Variants in ECPAS observed in about 807,000 individuals in gnomAD.
ECPAS encodes the protein proteasome adapter and scaffold protein ECM29.
A neutral mutation model predicts 255.1 loss-of-function variants in ECPAS; 70 were observed. That is an observed-to-expected ratio of 0.27 (90% CI 0.23 to 0.33). The LOEUF (loss-of-function observed/expected upper bound fraction) is 0.33, where lower values mean the gene tolerates loss of function less well. Among genes scored for constraint, ECPAS ranks in the 10% least tolerant of loss-of-function variants. ECPAS has a pLI of 1.00. For missense variants in ECPAS, 1,817 were observed against 2,206.4 expected, an observed-to-expected ratio of 0.82 and a Z score of 3.54; for synonymous variants, 784 against 775.0, an observed-to-expected ratio of 1.01 and a Z score of -0.19.
chr9:111,450,192 T>TAACAAC (rs2098258476), intron 3 of ECPAS, among the ~76,000 whole-genome samples: 1 of 152,038 alleles, frequency 6.6e-6, no homozygotes, highest in African/African-American at 2.4e-5. Context: ...ATTTGCTAAA[T>TAACAAC]AACAAAACTG....
rs75335246 is a variant in ECPAS, at chr9:111,412,159, T to C, written c.2080-11A>G. 11 of 1,307,328 alleles carry C rather than the reference T, an allele frequency of 8.4e-6. No individual in the cohort carries two copies. The highest frequency in any genetic ancestry group is 1.0e-5 in the Non-Finnish European group (10 of 970,704). 81.0% of individuals were successfully genotyped at this position (1,307,328 alleles called of 1,614,324 possible). ...GTTATTCATCAGACTCTGAGCAGTA[T>C]AAAAAAAAAACAAATATATACATGA... is the stretch of plus-strand genomic sequence containing the variant. On this transcript the variant is annotated splice_polypyrimidine_tract_variant and intron_variant, in intron 20 of 49. Transcript: ENST00000684092.
chr9:111,477,468 C>T (rs545595585), intron 1 of ECPAS, among the ~76,000 whole-genome samples: 11 of 151,970 alleles, frequency 7.2e-5, no homozygotes, highest in African/African-American at 2.7e-4. Flanking sequence ...CGCCTGGCCC[C>T]GATTGCCACA....
chr9:111,420,176 A>G (rs1407710911), intron 15 of ECPAS, 56 bp from the exon 16 acceptor site: 1 of 1,149,710 alleles, frequency 8.7e-7, no homozygotes, highest in African/African-American at 1.6e-5. Context: ...GAAAAAAAAA[A>G]TCAATTACCA....
At position 111,383,350 on chromosome 9, in the gene ECPAS, T is replaced by C; in HGVS notation, c.3682-18A>G. The C allele has an allele frequency of 6.3e-7, 1 of 1,598,130 alleles. No individual in the cohort carries two copies. The highest frequency in any genetic ancestry group is 1.1e-5 in the South Asian group (1 of 88,994). On this transcript the variant is annotated intron_variant, in intron 34 of 49. Transcript: ENST00000684092. ...ACACAGACCTCACATACAAAGAGCA[T>C]GGACGTTAGTGAAAGTGACCGCGCA...
At chr9:111,483,470 G>A (rs1258120524) in intron 1 of ECPAS, 5 of 973,812 alleles carry the variant, frequency 5.1e-6, no homozygotes, top group Admixed American at 6.4e-5. Flanking sequence ...CGCCCGTTCC[G>A]GCTCGCGGCC....
intron 24 of ECPAS, among the ~76,000 whole-genome samples, chr9:111,404,960 GTAT>G (rs2098181866): frequency 6.7e-6 from 1 of 149,090 alleles, no homozygotes; most frequent in Admixed American, 6.6e-5. Flanking sequence ...GATTGAAATC[GTAT>G]TATTAAAATT....
chr9:111,376,998 C>G (rs2098134073), intron 36 of ECPAS, among the ~76,000 whole-genome samples: 1 of 152,146 alleles, frequency 6.6e-6, no homozygotes, highest in Non-Finnish European at 1.5e-5. Flanking sequence ...TTAACACTAT[C>G]CAGATATGAT....
At chr9:111,442,537 G>A (rs984761958) in intron 4 of ECPAS, 113 bp from the exon 5 acceptor site, 16 of 700,840 alleles carry the variant, frequency 2.3e-5, no homozygotes, top group Middle Eastern at 4.1e-4. Context: ...CATTGTAAAC[G>A]TGACTCATCC....
chr9:111,469,383 A>C (rs576069463), intron 2 of ECPAS, among the ~76,000 whole-genome samples: 1 of 151,182 alleles, frequency 6.6e-6, no homozygotes, highest in African/African-American at 2.4e-5. Flanking sequence ...ACATACAAAA[A>C]ATTAGCTGGG....
chr9:111,362,141 A>G lies in ECPAS; in HGVS notation c.5409T>C (p.Ser1803=), dbSNP rs922654099. ...EESKQWECLT[S]ECRVLLIESL... Reference sequence around the variant, plus strand: ...ACTCAATTAGGAGCACTCTGCATTCAGATGTCAAACATTCCCACTGTTTAG... The same window carrying G: ...ACTCAATTAGGAGCACTCTGCATTCGGATGTCAAACATTCCCACTGTTTAG... Residue 1803 remains serine (S), a synonymous_variant, in exon 50 of 50, where the codon TCT becomes TCC. Coordinates refer to ENST00000684092, the MANE Select transcript of ECPAS (RefSeq NM_001364929.1). 8.7e-6 allele frequency: 14 copies of G among 1,605,620 alleles called. No homozygotes were observed. The highest frequency in any genetic ancestry group is 2.7e-5 in the African/African-American group (2 of 74,528).
chr9:111,376,582 A>G (rs753620734), intron 36 of ECPAS, 41 bp from the exon 37 acceptor site: 1 of 1,462,600 alleles, frequency 6.8e-7, no homozygotes, highest in Admixed American at 1.9e-5. Flanking sequence ...CATTCAATTA[A>G]TTAGGAATAA....
Position 111,397,068 on chromosome 9 carries a change from G to A in ECPAS, c.2738C>T (p.Ala913Val). 1 of 1,613,924 alleles carries A rather than the reference G, an allele frequency of 6.2e-7. No homozygotes were observed. Among genetic ancestry groups the A allele is most frequent in the Non-Finnish European group, 8.5e-7 (1 of 1,179,802 alleles). Residue 913 changes from alanine (A) to valine (V), a missense_variant, in exon 25 of 50, where the codon GCC becomes GTC. This residue lies in a region of ECPAS where 960 missense variants were observed against 1,179.0 expected (regional missense o/e 0.81). Transcript: ENST00000684092. ...IGTSSVAARDAWQMTEEEYTP... is the reference protein window; with the variant it reads ...IGTSSVAARDVWQMTEEEYTP... ...ATATTCCTCTTCAGTCATTTGCCAG[G>A]CATCTCGGGCAGCCACAGAACTAGT...
intron 3 of ECPAS, among the ~76,000 whole-genome samples, chr9:111,445,017 A>G (rs2131923797): frequency 9.8e-6 from 1 of 102,146 alleles, no homozygotes; most frequent in East Asian, 3.0e-4. Flanking sequence ...TTTTTTTGAC[A>G]TGGAGTCTCG....
intron 20 of ECPAS, among the ~76,000 whole-genome samples, chr9:111,413,648 CT>C (rs1233863398): frequency 6.7e-6 from 1 of 149,828 alleles, no homozygotes; most frequent in African/African-American, 2.4e-5. Flanking sequence ...AAAAAAAAAA[CT>C]TTTGAAACAG....
At chr9:111,391,678 A>G in intron 29 of ECPAS, 78 bp downstream of exon 29, 1 of 886,430 alleles carries the variant, frequency 1.1e-6, no homozygotes. Flanking sequence ...CAACTTCATG[A>G]CTGCTCTATT....
intron 7 of ECPAS, among the ~76,000 whole-genome samples, chr9:111,433,654 C>T (rs188331758): frequency 8.5e-5 from 13 of 152,272 alleles, no homozygotes; most frequent in Non-Finnish European, 1.9e-4. Flanking sequence ...ACGACGATGG[C>T]AGGATTCAAA....
rs536190555 is a variant in ECPAS, at chr9:111,382,966, G to A, written c.3803+245C>T. Among the ~76,000 whole-genome samples, 10 of 152,302 alleles carry A rather than the reference G, an allele frequency of 6.6e-5. No individual in the cohort carries two copies. The East Asian group carries it at 1.2e-3, about 18-fold the overall frequency. On this transcript the variant is annotated intron_variant, in intron 35 of 49. Transcript: ENST00000684092. ...AGGACCTACAGTGTAACAGGAAGACGTGCTTGTTGGGAGCAGAGGCTGATG... is the reference window on the plus strand; with the variant it reads ...AGGACCTACAGTGTAACAGGAAGACATGCTTGTTGGGAGCAGAGGCTGATG...
At chr9:111,413,284 T>G (rs1341205628) in intron 20 of ECPAS, among the ~76,000 whole-genome samples, 1 of 152,178 alleles carries the variant, frequency 6.6e-6, no homozygotes. Flanking sequence ...CTAGAATACA[T>G]GATAGTACAT....
At chr9:111,372,747 C>T (rs2098128951) in intron 41 of ECPAS, 127 bp from the exon 42 acceptor site, 1 of 796,542 alleles carries the variant, frequency 1.3e-6, no homozygotes, top group Non-Finnish European at 1.9e-6. Flanking sequence ...ATGTTTCTAG[C>T]AGGCTGGGTT....
Sources: allele counts gnomAD v4.1 joint callset (sites outside exome capture counted in the v4.1 genomes callset), GRCh38; gene constraint gnomAD v4.1.1; regional missense constraint gnomAD v4.1.1; transcripts MANE v1.5; gene names NCBI Gene and HGNC (gene_info 2026-07-23, HGNC 2026-07-21).